The following VIPR1 variants were observed in gnomAD, a reference collection of about 807,000 sequenced individuals.
VIPR1 encodes the protein vasoactive intestinal peptide receptor 1, also known as vasoactive intestinal polypeptide receptor 1.
In VIPR1, 59 loss-of-function variants were observed where a neutral mutation model predicts 58.8. The ratio of observed to expected loss-of-function variants is 1.00; its 90% confidence interval spans 0.81 to 1.25. The LOEUF (loss-of-function observed/expected upper bound fraction) is 1.25, where lower values mean the gene tolerates loss of function less well. Among genes scored for constraint, VIPR1 ranks in the 50% most tolerant of loss-of-function variants. The pLI is 0.00. For synonymous variants in VIPR1, 251 were observed against 242.1 expected (o/e 1.04, Z -0.34); for missense variants, 626 against 602.7 (o/e 1.04, Z -0.40).
At chr3:42,507,330 G>A (rs1203538830) in intron 1 of VIPR1, 1 of 152,242 alleles carries the variant, frequency 6.6e-6, no homozygotes, top group Non-Finnish European at 1.5e-5. Flanking sequence ...TTGGCAGTGA[G>A]CCTCAGGCTA....
In VIPR1 at chr3:42,510,754, C is replaced by A. The variant is rs1479194307; in HGVS notation, c.79-2995C>A. On this transcript the variant is annotated intron_variant, in intron 1 of 12. Transcript: ENST00000325123. ...AGAGAGCTCATCTTCCAGACCACAC[C>A]CACTGTTTCATAAACACCACAGGCT... 2.0e-5 allele frequency among the ~76,000 whole-genome samples: 3 copies of A among 152,122 alleles called. 1 individual carries two copies. In the South Asian group the frequency reaches 6.2e-4, roughly 32 times the overall value.
chr3:42,527,409 A>G lies in VIPR1; in HGVS notation c.416A>G (p.Tyr139Cys), dbSNP rs764065306. Reference protein sequence around the residue: ...ASLDEQQTMFYGSVKTGYTIG... With the variant: ...ASLDEQQTMFCGSVKTGYTIG... ...CTCCAACAGCAGCAGACCATGTTCT[A>G]CGGTTCTGTGAAGACCGGCTACACC... Residue 139 changes from tyrosine to cysteine, a missense_variant, in exon 5 of 13, where the codon TAC becomes TGC. Coordinates refer to ENST00000325123, the MANE Select transcript of VIPR1 (RefSeq NM_004624.4). 6.2e-7 allele frequency: 1 copy of G among 1,613,444 alleles called. No individual in the cohort carries two copies. The highest frequency in any genetic ancestry group is 1.3e-5 in the African/African-American group (1 of 74,782).
chr3:42,509,955 C>G (rs1431056580), intron 1 of VIPR1, among the ~76,000 whole-genome samples: 2 of 152,224 alleles, frequency 1.3e-5, no homozygotes, highest in Admixed American at 1.3e-4. Context: ...CACCTGCAAC[C>G]TGAGGGATCT....
At chr3:42,512,717 A>G (rs905531984) in intron 1 of VIPR1, 9 of 984,376 alleles carry the variant, frequency 9.1e-6, no homozygotes, top group Non-Finnish European at 1.1e-5. Flanking sequence ...ACTCTCTTCT[A>G]TGGCCCTGGT....
chr3:42,522,847 G>A (rs1701022438), intron 3 of VIPR1, among the ~76,000 whole-genome samples: 1 of 152,174 alleles, frequency 6.6e-6, no homozygotes, highest in Non-Finnish European at 1.5e-5. Flanking sequence ...CTGAGTGGAG[G>A]ATCCTAGCTA....
At chr3:42,522,153 C>T (rs1346607601) in intron 3 of VIPR1, among the ~76,000 whole-genome samples, 1 of 134,736 alleles carries the variant, frequency 7.4e-6, no homozygotes, top group African/African-American at 2.9e-5. Flanking sequence ...GCTCTGTCCC[C>T]CAGGCTGGAG....
rs1182949789 is a variant in VIPR1 at position 42,519,958 on chromosome 3, G to A, written c.292+628G>A. 2.0e-5 allele frequency among the ~76,000 whole-genome samples: 3 copies of A among 152,224 alleles called. No homozygotes were observed. The East Asian group carries it at 5.8e-4, about 29-fold the overall frequency. Reference sequence around the variant, plus strand: ...CCAGAGCTAGCATTCTCATTGGAGAGACATTTAGTAAGGAAATAAACAGAT... The same window carrying A: ...CCAGAGCTAGCATTCTCATTGGAGAAACATTTAGTAAGGAAATAAACAGAT... On this transcript the variant is annotated intron_variant, in intron 3 of 12. Transcript: ENST00000325123.
upstream of VIPR1, among the ~76,000 whole-genome samples, chr3:42,501,194 C>A (rs1037993646): frequency 6.6e-6 from 1 of 152,088 alleles, no homozygotes; most frequent in African/African-American, 2.4e-5. The surrounding 1 kb of genome is among the most constrained non-coding windows in gnomAD (Gnocchi z 4.8). Context: ...AGTGTAAGTA[C>A]GCCCTGAAGA....
chr3:42,527,026 T>C (rs966465928), intron 4 of VIPR1, among the ~76,000 whole-genome samples: 6 of 152,066 alleles, frequency 3.9e-5, no homozygotes, highest in African/African-American at 1.4e-4. Context: ...ACCCCACCCC[T>C]AGGGTGCCCA....
At chr3:42,497,885 A>C (rs1340865447), upstream of VIPR1, among the ~76,000 whole-genome samples, 1 of 152,174 alleles carries the variant, frequency 6.6e-6, no homozygotes, top group Non-Finnish European at 1.5e-5. Context: ...TCCCAGTCTC[A>C]GGTATCTCTT....
chr3:42,517,805 G>A (rs776861556), intron 2 of VIPR1, among the ~76,000 whole-genome samples: 38 of 152,072 alleles, frequency 2.5e-4, no homozygotes, highest in East Asian at 7.7e-4. Context: ...GCGAAACCCC[G>A]TCTCTACTAA....
At chr3:42,519,905 G>A (rs1278554527) in intron 3 of VIPR1, among the ~76,000 whole-genome samples, 2 of 152,172 alleles carry the variant, frequency 1.3e-5, no homozygotes. Flanking sequence ...AGTGGAGAGA[G>A]GATAAAACAG....
rs1701768884 is a variant in VIPR1, at chr3:42,535,027, A to C, written c.1063A>C (p.Ile355Leu). ...LLIPLFGVHY[I>L]MFAFFPDNFK... The stretch of plus-strand genomic sequence containing the variant: ...GATCCCCCTGTTTGGAGTACACTAC[A>C]TCATGTTCGCCTTCTTTCCGGACAA... Residue 355 changes from isoleucine to leucine, a missense_variant, in exon 11 of 13, where the codon ATC becomes CTC. Transcript: ENST00000325123. The C allele has an allele frequency of 6.2e-7, 1 of 1,613,998 alleles. No individual in the cohort carries two copies. Among genetic ancestry groups the C allele is most frequent in the African/African-American group, 1.3e-5 (1 of 74,898 alleles).
At chr3:42,494,595 C>T (rs909181673) in intron 1 of VIPR1, among the ~76,000 whole-genome samples, 1 of 152,164 alleles carries the variant, frequency 6.6e-6, no homozygotes, top group African/African-American at 2.4e-5. Flanking sequence ...GAACTATGTC[C>T]TTTCTCTTGT....
intron 7 of VIPR1, 97 bp from the exon 8 acceptor site, chr3:42,531,374 C>A: frequency 7.6e-7 from 1 of 1,312,158 alleles, no homozygotes; most frequent in Non-Finnish European, 1.1e-6. Flanking sequence ...TTCTCTCTCC[C>A]TCCCTCTCCC....
intron 1 of VIPR1, among the ~76,000 whole-genome samples, chr3:42,493,298 G>T (rs1287111008): frequency 6.6e-6 from 1 of 152,218 alleles, no homozygotes; most frequent in African/African-American, 2.4e-5. Flanking sequence ...AGCCATCAGG[G>T]AGAGGGCAGC....
intron 3 of VIPR1, among the ~76,000 whole-genome samples, chr3:42,523,778 C>T (rs1247426921): frequency 6.6e-6 from 1 of 152,136 alleles, no homozygotes; most frequent in African/African-American, 2.4e-5. Context: ...CCCAAAGCTC[C>T]AGTGTCCCAG....
At chr3:42,519,095 G>A (rs1219737694) in intron 2 of VIPR1, 128 bp from the exon 3 acceptor site, 7 of 711,670 alleles carry the variant, frequency 9.8e-6, no homozygotes, top group Non-Finnish European at 1.3e-5. Flanking sequence ...TCCCCTCTCA[G>A]ACTGGAGGCT....
At chr3:42,494,571 A>G (rs1699724710) in intron 1 of VIPR1, among the ~76,000 whole-genome samples, 1 of 152,232 alleles carries the variant, frequency 6.6e-6, no homozygotes, top group African/African-American at 2.4e-5. Context: ...GCTTTCAAAT[A>G]TACTCTATTC....
Sources: allele counts gnomAD v4.1 joint callset (sites outside exome capture counted in the v4.1 genomes callset), GRCh38; gene constraint gnomAD v4.1.1; non-coding constraint Gnocchi (gnomAD v3.1); transcripts MANE v1.5; gene names NCBI Gene and HGNC (gene_info 2026-07-23, HGNC 2026-07-21).